Variants in TCF12 observed in about 807,000 individuals in gnomAD.
The protein encoded by TCF12 is transcription factor 12, also known as DNA-binding protein HTF4.
A neutral mutation model predicts 86.0 loss-of-function variants in TCF12; 45 were observed. That is an observed-to-expected ratio of 0.52 (90% CI 0.41 to 0.67). The LOEUF is 0.67. Among genes scored for constraint, TCF12 ranks in the 30% least tolerant of loss-of-function variants. TCF12 has a pLI of 0.00. For synonymous variants in TCF12, 330 were observed against 299.6 expected (o/e 1.10, Z -1.05); for missense variants, 881 against 859.9 (o/e 1.02, Z -0.31).
intron 3 of TCF12, among the ~76,000 whole-genome samples, chr15:56,923,280 C>T (rs1274739093): frequency 1.3e-5 from 2 of 151,970 alleles, no homozygotes; most frequent in Non-Finnish European, 2.9e-5. Flanking sequence ...AGAATATATA[C>T]TATAGCATGT....
intron 8 of TCF12, among the ~76,000 whole-genome samples, chr15:57,216,872 C>G (rs1364141550): frequency 6.6e-6 from 1 of 152,010 alleles, no homozygotes; most frequent in African/African-American, 2.4e-5. Flanking sequence ...AAGACTTTTC[C>G]ATAGCATACA....
rs114810291 is a variant in TCF12, at chr15:56,977,809, A to T, written c.148+56711A>T. Among the ~76,000 whole-genome samples the T allele has an allele frequency of 3.5e-3, 533 of 152,238 alleles. 4 individuals carry two copies. Among genetic ancestry groups the T allele is most frequent in the African/African-American group, 0.012 (517 of 41,532 alleles). On this transcript the variant is annotated intron_variant, in intron 3 of 20. Transcript: ENST00000333725. ...TACTGATGTTAGGATACTTCTATAGAGCTTCTCAAATTGTAGCACATATCA... is the reference window on the plus strand; with the variant it reads ...TACTGATGTTAGGATACTTCTATAGTGCTTCTCAAATTGTAGCACATATCA...
chr15:57,183,849 T>C (rs1435201293), intron 6 of TCF12, among the ~76,000 whole-genome samples: 1 of 152,174 alleles, frequency 6.6e-6, no homozygotes, highest in Non-Finnish European at 1.5e-5. Context: ...CAGTCAGGAT[T>C]TGGACTCGGG....
intron 3 of TCF12, among the ~76,000 whole-genome samples, chr15:56,982,734 T>A (rs1212805578): frequency 6.6e-6 from 1 of 152,218 alleles, no homozygotes; most frequent in African/African-American, 2.4e-5. Flanking sequence ...TCCTAGTGAT[T>A]TAAATTGGTT....
At chr15:57,162,952 G>A (rs1303652963) in intron 5 of TCF12, among the ~76,000 whole-genome samples, 2 of 152,100 alleles carry the variant, frequency 1.3e-5, no homozygotes, top group Non-Finnish European at 2.9e-5. Flanking sequence ...GAGGTGGGCA[G>A]ATCACGAGGT....
intron 17 of TCF12, among the ~76,000 whole-genome samples, chr15:57,262,853 A>C (rs1356680645): frequency 1.3e-5 from 2 of 152,194 alleles, no homozygotes; most frequent in African/African-American, 4.8e-5. Context: ...TCATTTGTTA[A>C]ATAGTGCCTG....
intron 8 of TCF12, among the ~76,000 whole-genome samples, chr15:57,211,916 T>C (rs1275048857): frequency 6.6e-6 from 1 of 151,844 alleles, no homozygotes; most frequent in Non-Finnish European, 1.5e-5. Flanking sequence ...ATTGCACCAG[T>C]GCACTCCAGC....
At chr15:57,074,546 G>A (rs28541606) in intron 4 of TCF12, among the ~76,000 whole-genome samples, 37,423 of 151,802 alleles carry the variant, frequency 0.25, 5,439 homozygotes, top group East Asian at 0.4. Context: ...TTGCTCTGTC[G>A]CCCAGGCTGG....
intron 3 of TCF12, among the ~76,000 whole-genome samples, chr15:57,045,372 A>G (rs1434723020): frequency 1.3e-5 from 2 of 152,196 alleles, no homozygotes; most frequent in African/African-American, 4.8e-5. Flanking sequence ...TCATGAAAGT[A>G]GGAAAAGAGT....
chr15:57,104,229 A>G (rs1200222544), intron 5 of TCF12, among the ~76,000 whole-genome samples: 1 of 152,084 alleles, frequency 6.6e-6, no homozygotes, highest in Non-Finnish European at 1.5e-5. Context: ...GCATGTATTT[A>G]TACAGAAAAA....
chr15:57,281,026 T>C (rs890537262), intron 19 of TCF12, among the ~76,000 whole-genome samples: 1 of 152,064 alleles, frequency 6.6e-6, no homozygotes, highest in African/African-American at 2.4e-5. Context: ...GTAAGTAGTG[T>C]GTAAGTAGAT....
chr15:57,011,027 A>G (rs878972060), intron 3 of TCF12, among the ~76,000 whole-genome samples: 1 of 152,144 alleles, frequency 6.6e-6, no homozygotes, highest in Admixed American at 6.5e-5. Context: ...CTGGCTTTCT[A>G]CTGGACTTAA....
chr15:57,068,215 A>G (rs570269454), intron 4 of TCF12, among the ~76,000 whole-genome samples: 5 of 152,312 alleles, frequency 3.3e-5, no homozygotes, highest in African/African-American at 1.2e-4. Flanking sequence ...TATCTGTTTC[A>G]TGAAGTTGTT....
chr15:57,025,574 A>G (rs2065778767), intron 3 of TCF12, among the ~76,000 whole-genome samples: 1 of 152,176 alleles, frequency 6.6e-6, no homozygotes, highest in East Asian at 1.9e-4. Context: ...ATTGTAGCCT[A>G]TAATAAGTGA....
At chr15:57,256,300 C>T (rs776523845) in intron 16 of TCF12, among the ~76,000 whole-genome samples, 2 of 152,252 alleles carry the variant, frequency 1.3e-5, no homozygotes, top group Non-Finnish European at 1.5e-5. Flanking sequence ...GGTTCTTTTC[C>T]GTGTCTGAGG....
intron 3 of TCF12, among the ~76,000 whole-genome samples, chr15:56,992,834 C>G (rs185551320): frequency 6.6e-6 from 1 of 152,138 alleles, no homozygotes; most frequent in African/African-American, 2.4e-5. Context: ...TTTAAATTAC[C>G]GATTATCTTT....
At chr15:57,216,652 A>G (rs1218476590) in intron 8 of TCF12, among the ~76,000 whole-genome samples, 1 of 151,768 alleles carries the variant, frequency 6.6e-6, no homozygotes, top group Non-Finnish European at 1.5e-5. Context: ...TTCCTGTAAT[A>G]TGATTCTCCT....
At chr15:57,071,661 A>G (rs1407723783) in intron 4 of TCF12, among the ~76,000 whole-genome samples, 2 of 152,162 alleles carry the variant, frequency 1.3e-5, no homozygotes, top group Non-Finnish European at 2.9e-5. Flanking sequence ...AGCCCAAAAA[A>G]CTTCTTAACT....
chr15:57,247,818 AGCCCCTG>A, intron 13 of TCF12: 2 of 752,348 alleles, frequency 2.7e-6, no homozygotes, highest in Admixed American at 3.5e-5. Context: ...ACAAAACCAA[AGCCCCTG>A]GAACGTGTTT....
Sources: allele counts gnomAD v4.1 joint callset (sites outside exome capture counted in the v4.1 genomes callset), GRCh38; gene constraint gnomAD v4.1.1; transcripts MANE v1.5; gene names NCBI Gene and HGNC (gene_info 2026-07-23, HGNC 2026-07-21).